The following PTPRR variants were observed in gnomAD, a reference collection of about 807,000 sequenced individuals.
PTPRR encodes the protein receptor-type tyrosine-protein phosphatase R.
In PTPRR, 38 loss-of-function variants were observed where a neutral mutation model predicts 77.2. The observed-to-expected ratio is 0.49, with a 90% CI of 0.38 to 0.65. PTPRR has a LOEUF of 0.65. Among genes scored for constraint, PTPRR ranks in the 30% least tolerant of loss-of-function variants. The probability of loss-of-function intolerance (pLI) is 0.00; values close to 1 mark genes in which losing one functional copy is unlikely to be tolerated. For missense variants in PTPRR, 744 were observed against 799.2 expected (o/e 0.93, Z 0.83); for synonymous variants, 299 against 283.1 (o/e 1.06, Z -0.57).
At chr12:70,827,487 C>T (rs1892131199) in intron 2 of PTPRR, among the ~76,000 whole-genome samples, 2 of 151,962 alleles carry the variant, frequency 1.3e-5, no homozygotes, top group Non-Finnish European at 1.5e-5. Flanking sequence ...GGTCCTCACA[C>T]AGTGGAGGGG....
chr12:70,803,472 A>T (rs1891652718), intron 2 of PTPRR, among the ~76,000 whole-genome samples: 1 of 152,194 alleles, frequency 6.6e-6, no homozygotes, highest in Non-Finnish European at 1.5e-5. Context: ...AGTAGACAAG[A>T]GGCCAACAAG....
chr12:70,695,643 C>A (rs1426359410), intron 8 of PTPRR, among the ~76,000 whole-genome samples: 1 of 152,072 alleles, frequency 6.6e-6, no homozygotes, highest in Non-Finnish European at 1.5e-5. Context: ...ATTTCCAAAT[C>A]CTTCTAAAAT....
At chr12:70,873,292 C>T (rs1425777772) in intron 2 of PTPRR, among the ~76,000 whole-genome samples, 1 of 152,152 alleles carries the variant, frequency 6.6e-6, no homozygotes, top group Non-Finnish European at 1.5e-5. Context: ...AGACTCACTC[C>T]CTCTTGTCAG....
intron 3 of PTPRR, among the ~76,000 whole-genome samples, chr12:70,762,826 T>C (rs1890724133): frequency 6.6e-6 from 1 of 152,182 alleles, no homozygotes; most frequent in African/African-American, 2.4e-5. Flanking sequence ...ATGATGCTAA[T>C]CAACATGCTT....
chr12:70,919,123 T>C (rs376705994), intron 1 of PTPRR, among the ~76,000 whole-genome samples: 14 of 152,192 alleles, frequency 9.2e-5, no homozygotes, highest in African/African-American at 3.1e-4. Context: ...AAGTACCATA[T>C]TTCACTCCTA....
Position 70,807,298 on chromosome 12 carries a change from C to T in PTPRR, c.358-42520G>A, listed in dbSNP as rs538541912. The stretch of plus-strand genomic sequence containing the variant: ...TGTGAGAAGTTAAAATTATTTATTG[C>T]ATCATCCTCTTAACTGAATTTGTTG... On this transcript the variant is annotated intron_variant, in intron 2 of 13. Coordinates refer to ENST00000283228, the MANE Select transcript of PTPRR (RefSeq NM_002849.4). Among the ~76,000 whole-genome samples, 8 of 152,312 alleles carry T rather than the reference C, an allele frequency of 5.3e-5. No individual in the cohort carries two copies. The South Asian group carries it at 1.7e-3, about 32-fold the overall frequency.
chr12:70,861,383 T>C (rs895769243), intron 2 of PTPRR, among the ~76,000 whole-genome samples: 2 of 152,166 alleles, frequency 1.3e-5, no homozygotes, highest in African/African-American at 4.8e-5. Context: ...CTAGAATTGG[T>C]AAGTATTTTT....
chr12:70,871,211 G>A (rs1211751287), intron 2 of PTPRR, among the ~76,000 whole-genome samples: 1 of 152,202 alleles, frequency 6.6e-6, no homozygotes, highest in Non-Finnish European at 1.5e-5. Flanking sequence ...CTGATAGGCT[G>A]TGATGTGTAG....
chr12:70,735,374 G>A (rs1330174313), intron 6 of PTPRR, among the ~76,000 whole-genome samples: 1 of 152,206 alleles, frequency 6.6e-6, no homozygotes, highest in Non-Finnish European at 1.5e-5. Flanking sequence ...GAGGAGCAAA[G>A]GCATGTCTTA....
At chr12:70,856,614 G>A (rs1361684789) in intron 2 of PTPRR, among the ~76,000 whole-genome samples, 6 of 152,232 alleles carry the variant, frequency 3.9e-5, no homozygotes, top group South Asian at 4.1e-4. Flanking sequence ...AAATCACTTC[G>A]GAGATAACAG....
chr12:70,903,338 T>C (rs1241529451), intron 1 of PTPRR, among the ~76,000 whole-genome samples: 1 of 151,836 alleles, frequency 6.6e-6, no homozygotes, highest in African/African-American at 2.4e-5. Flanking sequence ...TATATCTATA[T>C]AAAAACATCA....
Position 70,852,680 on chromosome 12 carries a change from C to T in PTPRR, c.357+39999G>A, listed in dbSNP as rs138750602. Among the ~76,000 whole-genome samples, 986 of 152,252 alleles carry T rather than the reference C, an allele frequency of 6.5e-3. 4 individuals carry two copies. Among genetic ancestry groups the T allele is most frequent in the Middle Eastern group, 0.024 (7 of 294 alleles). ...TAGTGTGGAATAGTGGAATAGACAACAGAAAAGGAGTTCAAGTAATTGAGT... is the reference window on the plus strand; with the variant it reads ...TAGTGTGGAATAGTGGAATAGACAATAGAAAAGGAGTTCAAGTAATTGAGT... On this transcript the variant is annotated intron_variant, in intron 2 of 13. Transcript: ENST00000283228.
At chr12:70,648,661 C>A (rs1886285214) in intron 13 of PTPRR, among the ~76,000 whole-genome samples, 1 of 152,146 alleles carries the variant, frequency 6.6e-6, no homozygotes. Flanking sequence ...AATTAGGGGG[C>A]AGAGCCACGC....
intron 2 of PTPRR, among the ~76,000 whole-genome samples, chr12:70,794,582 G>T (rs1445583058): frequency 6.6e-6 from 1 of 152,046 alleles, no homozygotes; most frequent in Non-Finnish European, 1.5e-5. Flanking sequence ...TATAACTAAC[G>T]AACACACACA....
At chr12:70,843,484 T>C (rs1892430381) in intron 2 of PTPRR, among the ~76,000 whole-genome samples, 1 of 152,198 alleles carries the variant, frequency 6.6e-6, no homozygotes, top group South Asian at 2.1e-4. Context: ...GTAACCTATC[T>C]TCATAGTTAA....
rs544477681 is a variant in PTPRR, at chr12:70,740,178, C to T, written c.1007+5640G>A. Among the ~76,000 whole-genome samples, 14 of 152,140 alleles carry T rather than the reference C, an allele frequency of 9.2e-5. No individual in the cohort carries two copies. The South Asian group carries it at 2.9e-3, about 32-fold the overall frequency. The stretch of plus-strand genomic sequence containing the variant: ...AAAATAATATATATGAAACATATTA[C>T]ATATATTAGTCCTAATATCATTTGT... On this transcript the variant is annotated intron_variant, in intron 6 of 13. Coordinates refer to ENST00000283228, the MANE Select transcript of PTPRR (RefSeq NM_002849.4).
chr12:70,684,570 T>TA (rs924152298), intron 9 of PTPRR, 134 bp downstream of exon 9: 5 of 713,538 alleles, frequency 7.0e-6, no homozygotes, highest in Admixed American at 2.9e-5. Context: ...ATGACTAAGA[T>TA]AAAAAACCAA....
intron 2 of PTPRR, among the ~76,000 whole-genome samples, chr12:70,807,633 T>TGG (rs947379333): frequency 8.5e-5 from 13 of 152,190 alleles, no homozygotes; most frequent in Admixed American, 8.5e-4. Context: ...GAAGATTTCA[T>TGG]GGACATTTAT....
At chr12:70,807,681 C>T (rs552567238) in intron 2 of PTPRR, among the ~76,000 whole-genome samples, 75 of 152,290 alleles carry the variant, frequency 4.9e-4, no homozygotes, top group African/African-American at 1.7e-3. Context: ...TTTCTTACGC[C>T]TGTCTTTACT....
Sources: gnomAD v4.1 joint callset for allele counts (sites outside exome capture counted in the v4.1 genomes callset) on GRCh38, gnomAD v4.1.1 for gene constraint, MANE v1.5 for transcripts, NCBI Gene and HGNC (gene_info 2026-07-23, HGNC 2026-07-21) for gene names.